The following CEP350 variants were observed in gnomAD, a reference collection of about 807,000 sequenced individuals.
The protein encoded by CEP350 is centrosome-associated protein 350.
A neutral mutation model predicts 331.8 loss-of-function variants in CEP350; 126 were observed. The observed-to-expected ratio is 0.38, with a 90% confidence interval of 0.33 to 0.44. CEP350 has a LOEUF of 0.44. Among genes scored for constraint, CEP350 ranks in the 20% least tolerant of loss-of-function variants. The pLI is 1.00. For synonymous variants in CEP350, 1,200 were observed against 1,259.5 expected, an observed-to-expected ratio of 0.95 and a Z score of 1.00; for missense variants, 3,406 against 3,634.6, an observed-to-expected ratio of 0.94 and a Z score of 1.62.
At chr1:180,079,737 A>C (rs1026815358) in intron 29 of CEP350, among the ~76,000 whole-genome samples, 1 of 152,132 alleles carries the variant, frequency 6.6e-6, no homozygotes, top group Admixed American at 6.5e-5. Context: ...ATCTCTTATA[A>C]ATCAATTAGA....
At chr1:180,058,922 A>G (rs182763866) in intron 25 of CEP350, among the ~76,000 whole-genome samples, 63 of 152,328 alleles carry the variant, frequency 4.1e-4, no homozygotes, top group Admixed American at 2.0e-3. Flanking sequence ...AAGAGAGACC[A>G]TATTTTCCTA....
intron 3 of CEP350, among the ~76,000 whole-genome samples, chr1:179,988,936 A>G (rs1341620351): frequency 6.6e-6 from 1 of 152,058 alleles, no homozygotes; most frequent in Non-Finnish European, 1.5e-5. Flanking sequence ...TATGTTTTCT[A>G]TAGTGTAGAA....
In CEP350 at chr1:180,020,628, T is replaced by G; in HGVS notation, c.2854T>G (p.Cys952Gly). The change falls in exon 12 of 38, where the codon TGT (cysteine) becomes GGT (glycine). Residue 952 changes from cysteine to glycine, a missense_variant. By Grantham distance (159) the Cys-to-Gly change is radical (BLOSUM62 -3). Around this residue, in one of 5 missense-constraint regions of CEP350, gnomAD observed 1,857 missense variants for 1,909.2 expected, o/e 0.97. Coordinates refer to ENST00000367607, the MANE Select transcript of CEP350 (RefSeq NM_014810.5). ...ACCAGAAGGGCTACTGGCACAGTTA[T>G]GTAAAAGGCAGACTGACTCTTCTAG... is the stretch of plus-strand genomic sequence containing the variant. ...PKPEGLLAQL[C>G]KRQTDSSSSD... The G allele has an allele frequency of 6.2e-7, 1 of 1,613,958 alleles. No individual in the cohort carries two copies. The highest frequency in any genetic ancestry group is 8.5e-7 in the Non-Finnish European group (1 of 1,179,890).
chr1:180,024,656 A>T, intron 14 of CEP350, 74 bp downstream of exon 14: 2 of 1,478,466 alleles, frequency 1.4e-6, no homozygotes, highest in Non-Finnish European at 1.8e-6. Flanking sequence ...TTATGATTTG[A>T]TTGCATAAGA....
At chr1:180,003,351 T>C (rs538208518) in intron 7 of CEP350, 64 bp downstream of exon 7, 1 of 1,042,084 alleles carries the variant, frequency 9.6e-7, no homozygotes, top group African/African-American at 1.6e-5. Context: ...TTTATAATAT[T>C]TACACATAAA....
intron 1 of CEP350, among the ~76,000 whole-genome samples, chr1:179,973,446 C>T (rs992290412): frequency 2.0e-5 from 3 of 152,126 alleles, no homozygotes; most frequent in African/African-American, 7.2e-5. Context: ...CTGTTAATCA[C>T]CCTGTTCCTG....
chr1:180,109,959 A>G (rs182481879), intron 37 of CEP350, among the ~76,000 whole-genome samples: 1 of 152,348 alleles, frequency 6.6e-6, no homozygotes, highest in East Asian at 1.9e-4. Context: ...CTTTTAGAAT[A>G]AAGTAGGTTT....
chr1:180,066,611 G>A (rs12139761), intron 27 of CEP350, among the ~76,000 whole-genome samples: 18,860 of 152,066 alleles, frequency 0.12, 1,243 homozygotes, highest in South Asian at 0.16. Flanking sequence ...AATAAGTCTT[G>A]AAAATACAGT....
rs147351661 is a variant in CEP350 at position 180,102,371 on chromosome 1, G to A, written c.9189+3386G>A. ...GGCTGGTCTCAAGCTCCTGACCTCA[G>A]GTGATCCACCTGTCTCGGCCTCCCA... On this transcript the variant is annotated intron_variant, in intron 37 of 37. Transcript: ENST00000367607. Among the ~76,000 whole-genome samples the A allele has an allele frequency of 6.4e-3, 975 of 152,154 alleles. 4 individuals are homozygous for A. Among genetic ancestry groups the A allele is most frequent in the South Asian group, 7.9e-3 (38 of 4,814 alleles).
chr1:180,041,539 C>A, intron 18 of CEP350, 123 bp from the exon 19 acceptor site: 2 of 973,112 alleles, frequency 2.1e-6, no homozygotes, highest in South Asian at 1.9e-5. Context: ...ACCATGAAAT[C>A]CAGATTGTAG....
At position 180,113,604 on chromosome 1, in the gene CEP350, T is replaced by TTC. The variant is rs1661551504; in HGVS notation, c.*2445_*2446dup. 6.6e-6 allele frequency: 1 copy of TTC among 152,176 alleles called. No homozygotes were observed. The highest frequency in any genetic ancestry group is 6.5e-5 in the Admixed American group (1 of 15,270). 9.4% of individuals were successfully genotyped at this position (152,176 alleles called of 1,614,324 possible). On this transcript the variant is annotated 3_prime_UTR_variant, in exon 38 of 38. Coordinates refer to ENST00000367607, the MANE Select transcript of CEP350 (RefSeq NM_014810.5). ...AAAAAAGAATCCATAATTAGCAGAT[T>TTC]TCTTATTAACTATTTGGATCTAATT...
intron 12 of CEP350, 125 bp from the exon 13 acceptor site, chr1:180,022,573 G>A (rs2148842089): frequency 1.4e-6 from 1 of 690,722 alleles, no homozygotes; most frequent in Non-Finnish European, 2.4e-6. Flanking sequence ...AAATAGAAAA[G>A]AGGCACTATT....
At chr1:180,088,704 G>T (rs190040730) in intron 32 of CEP350, among the ~76,000 whole-genome samples, 1 of 152,254 alleles carries the variant, frequency 6.6e-6, no homozygotes, top group East Asian at 1.9e-4. Flanking sequence ...TTCTGTAACT[G>T]TGGGCAAGTT....
chr1:180,012,044 CAG>C lies in CEP350; in HGVS notation c.1365_1366del (p.Gly456TrpfsTer7). 6.4e-7 allele frequency: 1 copy of C among 1,569,848 alleles called. No homozygotes were observed. The highest frequency in any genetic ancestry group is 8.6e-7 in the Non-Finnish European group (1 of 1,157,164). ...AAGAGCAAAGAACAGCATCAAGTGA[CAG>C]AGGTGGAAGAGAAAGAACTGCTAAA... ...PKEQRTASSD[R>X]GGRERTAKSG... is the part of the protein sequence containing the mutation. On this transcript the variant is annotated frameshift_variant, in exon 9 of 38. Transcript: ENST00000367607. LOFTEE classifies it high-confidence loss of function.
intron 37 of CEP350, among the ~76,000 whole-genome samples, chr1:180,101,852 G>A (rs974458129): frequency 2.0e-5 from 3 of 152,218 alleles, no homozygotes; most frequent in African/African-American, 7.2e-5. Flanking sequence ...TATTGCAAAG[G>A]ATACAGAGAC....
chr1:180,029,766 C>A (rs1429703710), intron 14 of CEP350, among the ~76,000 whole-genome samples: 5 of 152,176 alleles, frequency 3.3e-5, no homozygotes, highest in African/African-American at 9.7e-5. Context: ...CACTATCTAT[C>A]TCCAGAACAT....
intron 22 of CEP350, chr1:180,052,247 C>T (rs1475941182): frequency 1.1e-5 from 5 of 453,388 alleles, no homozygotes; most frequent in East Asian, 1.4e-4. Flanking sequence ...CTCTGTCACC[C>T]AGGCTGGTCT....
Position 180,087,710 on chromosome 1 carries a change from C to G in CEP350, c.6418C>G (p.Leu2140Val), listed in dbSNP as rs1344324499. The G allele has an allele frequency of 2.0e-6, 3 of 1,526,844 alleles. No homozygotes were observed. The highest frequency in any genetic ancestry group is 2.6e-6 in the Non-Finnish European group (3 of 1,138,004). 94.6% of individuals were successfully genotyped at this position (1,526,844 alleles called of 1,614,324 possible). The change falls in exon 32 of 38, where the codon CTA (leucine) becomes GTA (valine). Residue 2140 changes from leucine (L) to valine (V), a missense_variant. By Grantham distance (32) the Leu-to-Val change is conservative (BLOSUM62 1). This residue lies in a region of CEP350 where 1,415 missense variants were observed against 1,512.3 expected (regional missense o/e 0.94). Coordinates refer to ENST00000367607, the MANE Select transcript of CEP350 (RefSeq NM_014810.5). ...ACCCAAGATCAAACCCCTCACACCA[C>G]TACACAGGTAGAAATTTTTGATAAC... ...EKPKIKPLTP[L>V]HRSETAKNWK... is the part of the protein sequence containing the mutation.
chr1:179,960,231 A>G (rs78359752), intron 1 of CEP350, among the ~76,000 whole-genome samples: 1,515 of 138,534 alleles, frequency 0.011, 29 homozygotes, highest in African/African-American at 0.036. Flanking sequence ...AGACATGCCA[A>G]TTCATGTCAG....
Sources: allele counts gnomAD v4.1 joint callset (sites outside exome capture counted in the v4.1 genomes callset), GRCh38; gene constraint gnomAD v4.1.1; regional missense constraint gnomAD v4.1.1; transcripts MANE v1.5; gene names NCBI Gene and HGNC (gene_info 2026-07-23, HGNC 2026-07-21).